The following GC variants were observed in gnomAD, a reference collection of about 807,000 sequenced individuals.
GC encodes the protein GC vitamin D binding protein, also known as vitamin D-binding protein.
In GC, 43 loss-of-function variants were observed where a neutral mutation model predicts 56.7. That is an observed-to-expected ratio of 0.76 (90% confidence interval 0.59 to 0.98). GC has a LOEUF of 0.98. GC is among the 50% of genes least tolerant of loss of function. The pLI is 0.00. For synonymous variants in GC, 216 were observed against 202.7 expected, an observed-to-expected ratio of 1.07 and a Z score of -0.56; for missense variants, 529 against 545.9, an observed-to-expected ratio of 0.97 and a Z score of 0.31.
chr4:71,765,777 A>G (rs969225254), intron 3 of GC, 134 bp from the exon 4 acceptor site: 75 of 622,834 alleles, frequency 1.2e-4, no homozygotes, highest in Middle Eastern at 4.4e-4. Context: ...CAAGGGCTCC[A>G]TGAAGTGATT....
intron 1 of GC, among the ~76,000 whole-genome samples, chr4:71,799,615 T>G (rs548871453): frequency 6.6e-6 from 1 of 152,148 alleles, no homozygotes; most frequent in South Asian, 2.1e-4. Flanking sequence ...AGCTCTAAAG[T>G]GTGGGGGTCT....
At chr4:71,789,102 T>C (rs1307182468) in intron 1 of GC, among the ~76,000 whole-genome samples, 2 of 151,800 alleles carry the variant, frequency 1.3e-5, no homozygotes, top group South Asian at 2.1e-4. Context: ...TTTTGCATTA[T>C]GTATAGAGAG....
In GC at chr4:71,765,467, C is replaced by T. The variant is rs114932951; in HGVS notation, c.438G>A (p.Glu146=). The change falls in exon 4 of 13, where the codon GAG becomes GAA. Residue 146 remains glutamate, a synonymous_variant. Transcript: ENST00000273951. ...ATTCCTTTGGATCTTTCCTGAACGC[C>T]TCACAGATTTCATCATTTGTGGGTT... ...YVEPTNDEIC[E]AFRKDPKEYA... The T allele has an allele frequency of 0.014, 22,348 of 1,613,836 alleles. 183 individuals are homozygous for T. The highest frequency in any genetic ancestry group is 0.016 in the Non-Finnish European group (19,200 of 1,179,846).
intron 10 of GC, among the ~76,000 whole-genome samples, chr4:71,753,106 A>G (rs1355511852): frequency 6.6e-6 from 1 of 152,160 alleles, no homozygotes; most frequent in Non-Finnish European, 1.5e-5. Context: ...GAAAACACCA[A>G]TACAGGAGTA....
chr4:71,771,148 G>T (rs144649756), intron 1 of GC, among the ~76,000 whole-genome samples: 8 of 152,226 alleles, frequency 5.3e-5, no homozygotes, highest in Non-Finnish European at 1.0e-4. Context: ...TCACTTTAAG[G>T]GTTGGGAAAG....
In GC at chr4:71,773,534, C is replaced by T. The variant is rs1214928980; in HGVS notation, c.59-4134G>A. ...GAACCCAAAATAGACACATCCTTGCCCTCATGTAACTTTCGTTGTAATGGG... is the reference window on the plus strand; with the variant it reads ...GAACCCAAAATAGACACATCCTTGCTCTCATGTAACTTTCGTTGTAATGGG... On this transcript the variant is annotated intron_variant, in intron 1 of 12. Coordinates refer to ENST00000273951, the MANE Select transcript of GC (RefSeq NM_000583.4). Among the ~76,000 whole-genome samples the T allele has an allele frequency of 3.3e-5, 5 of 151,968 alleles. 1 individual carries two copies. Among genetic ancestry groups the T allele is most frequent in the African/African-American group, 7.2e-5 (3 of 41,406 alleles).
At chr4:71,775,445 C>T (rs1366335546) in intron 1 of GC, among the ~76,000 whole-genome samples, 1 of 151,902 alleles carries the variant, frequency 6.6e-6, no homozygotes, top group Non-Finnish European at 1.5e-5. Context: ...GGTGATTCTG[C>T]CTCCCTGGCT....
chr4:71,752,009 A>G (rs1741571744), intron 11 of GC, among the ~76,000 whole-genome samples: 1 of 152,074 alleles, frequency 6.6e-6, no homozygotes, highest in African/African-American at 2.4e-5. Flanking sequence ...TAACATATTA[A>G]TAGAAGGTAT....
intron 1 of GC, among the ~76,000 whole-genome samples, chr4:71,782,289 C>T (rs527970286): frequency 1.3e-5 from 2 of 151,900 alleles, no homozygotes; most frequent in South Asian, 2.1e-4. Flanking sequence ...AATCTGTACA[C>T]TTTGTAACTT....
At chr4:71,794,579 C>T (rs1422642215) in intron 1 of GC, among the ~76,000 whole-genome samples, 4 of 151,902 alleles carry the variant, frequency 2.6e-5, no homozygotes, top group Non-Finnish European at 4.4e-5. Flanking sequence ...AGTGGTCTAT[C>T]AATTTTGTTG....
chr4:71,761,401 G>A (rs914190276), intron 6 of GC, among the ~76,000 whole-genome samples: 7 of 152,196 alleles, frequency 4.6e-5, no homozygotes, highest in Non-Finnish European at 1.0e-4. Context: ...AAGGCATTCA[G>A]TTTCAAAAGG....
At position 71,768,288 on chromosome 4, in the gene GC, C is replaced by T. The variant is rs1160880886; in HGVS notation, c.261+13G>A. 3.2e-6 allele frequency: 5 copies of T among 1,578,138 alleles called. No homozygotes were observed. The highest frequency in any genetic ancestry group is 4.3e-6 in the Non-Finnish European group (5 of 1,159,634). On this transcript the variant is annotated intron_variant, in intron 3 of 12. Transcript: ENST00000273951. ...CTGGGCTGCCACAGAGACGGCCAGCCACAGAAACCTACCCTGGTGTCATAG... is the reference window on the plus strand; with the variant it reads ...CTGGGCTGCCACAGAGACGGCCAGCTACAGAAACCTACCCTGGTGTCATAG...
At chr4:71,798,009 T>C (rs1247198859) in intron 1 of GC, among the ~76,000 whole-genome samples, 2 of 152,250 alleles carry the variant, frequency 1.3e-5, no homozygotes, top group African/African-American at 2.4e-5. Flanking sequence ...TATTATCCCA[T>C]GTGTGCCTGC....
rs193117121 is a variant in GC, at chr4:71,741,972, T to C, written c.*26-102A>G. On this transcript the variant is annotated intron_variant, in intron 12 of 12. Transcript: ENST00000273951. ...CGCATATAAACTCATGCTATTTTAA[T>C]ATTTATGCCAAAAATGACTCTGTCT... The C allele has an allele frequency of 1.9e-4, 135 of 693,516 alleles. No homozygotes were observed. The African/African-American group carries it at 2.2e-3, about 11-fold the overall frequency. The allele number at this position is 693,516 out of a possible 1,614,324, so 43.0% of individuals were successfully genotyped here.
At chr4:71,743,845 G>A (rs1031110288) in intron 12 of GC, among the ~76,000 whole-genome samples, 3 of 152,158 alleles carry the variant, frequency 2.0e-5, no homozygotes, top group African/African-American at 7.2e-5. Context: ...CTCAATGCAT[G>A]TTACCAAAAT....
At chr4:71,794,130 G>A (rs977943799) in intron 1 of GC, among the ~76,000 whole-genome samples, 1 of 152,228 alleles carries the variant, frequency 6.6e-6, no homozygotes, top group South Asian at 2.1e-4. Context: ...TTTCTGTTGT[G>A]TCTCTGCCAG....
chr4:71,760,121 G>T (rs966571829), intron 6 of GC, among the ~76,000 whole-genome samples: 1 of 147,828 alleles, frequency 6.8e-6, no homozygotes, highest in African/African-American at 2.5e-5. Context: ...TTGGCTTACT[G>T]CAAGCTCTGC....
chr4:71,788,120 A>G (rs1020869748), upstream of GC, among the ~76,000 whole-genome samples: 1 of 151,960 alleles, frequency 6.6e-6, no homozygotes, highest in African/African-American at 2.4e-5. Flanking sequence ...CAGTTTAATG[A>G]AGGAATTTAA....
chr4:71,755,588 C>T (rs533860575), intron 8 of GC, among the ~76,000 whole-genome samples: 2 of 152,260 alleles, frequency 1.3e-5, no homozygotes, highest in South Asian at 4.1e-4. Flanking sequence ...AAAATACTTT[C>T]ATTGAGATAC....
Sources: allele counts gnomAD v4.1 joint callset (sites outside exome capture counted in the v4.1 genomes callset), GRCh38; gene constraint gnomAD v4.1.1; transcripts MANE v1.5; gene names NCBI Gene and HGNC (gene_info 2026-07-23, HGNC 2026-07-21).